Variants in NANOS3 observed in about 807,000 individuals in gnomAD.
NANOS3 encodes nanos C2HC-type zinc finger 3, also known as nanos homolog 3.
A neutral mutation model predicts 13.8 loss-of-function variants in NANOS3; 11 were observed. The observed-to-expected ratio is 0.80, with a 90% CI of 0.50 to 1.32. The LOEUF is 1.32. NANOS3 is among the 40% of genes most tolerant of loss of function. NANOS3 has a pLI of 0.00. For synonymous variants in NANOS3, 119 were observed against 115.4 expected, an observed-to-expected ratio of 1.03 and a Z score of -0.20; for missense variants, 221 against 263.8, an observed-to-expected ratio of 0.84 and a Z score of 1.12.
At chr19:13,870,306 C>A (rs1288242157) in intron 1 of NANOS3, among the ~76,000 whole-genome samples, 1 of 152,074 alleles carries the variant, frequency 6.6e-6, no homozygotes, top group Non-Finnish European at 1.5e-5. Context: ...GTCTTGAACT[C>A]CTGTGCTCAG....
At chr19:13,870,584 T>C (rs1227526752) in intron 1 of NANOS3, among the ~76,000 whole-genome samples, 2 of 142,704 alleles carry the variant, frequency 1.4e-5, no homozygotes, top group Non-Finnish European at 3.0e-5. Flanking sequence ...TTTTTTTTTT[T>C]TGAGACGGAG....
At chr19:13,865,724 G>T (rs1047247573) in intron 1 of NANOS3, among the ~76,000 whole-genome samples, 18 of 151,254 alleles carry the variant, frequency 1.2e-4, no homozygotes, top group Non-Finnish European at 1.5e-5. Flanking sequence ...CCCGGAGCCG[G>T]GGCCGCCAGG....
chr19:13,866,592 G>A (rs1391291025), intron 1 of NANOS3, among the ~76,000 whole-genome samples: 1 of 152,228 alleles, frequency 6.6e-6, no homozygotes, highest in African/African-American at 2.4e-5. Flanking sequence ...TCCAGGGATA[G>A]TGCCCATTGA....
intron 1 of NANOS3, among the ~76,000 whole-genome samples, chr19:13,872,013 C>T (rs1296574298): frequency 1.3e-5 from 2 of 149,742 alleles, no homozygotes; most frequent in Non-Finnish European, 3.0e-5. Flanking sequence ...CAAAACAAAA[C>T]AAAACAACAA....
intron 1 of NANOS3, chr19:13,865,516 G>A (rs1599296715): frequency 6.9e-6 from 1 of 144,504 alleles, no homozygotes; most frequent in East Asian, 2.0e-4. Context: ...GCGGGGCGGG[G>A]CGGGACGCGG....
chr19:13,874,169 G>A (rs1386336784), upstream of NANOS3, among the ~76,000 whole-genome samples: 2 of 152,148 alleles, frequency 1.3e-5, no homozygotes, highest in African/African-American at 4.8e-5. Context: ...AAAGTGGAGA[G>A]ACCTGACGAC....
chr19:13,871,036 C>G (rs1041481476), intron 1 of NANOS3, among the ~76,000 whole-genome samples: 4 of 151,918 alleles, frequency 2.6e-5, no homozygotes, highest in African/African-American at 9.7e-5. Flanking sequence ...ACACCCCTAC[C>G]CCCCATGCAC....
Position 13,877,341 on chromosome 19 carries a change from C to A in NANOS3, c.93C>A (p.Ser31Arg), listed in dbSNP as rs754843428. The change falls in exon 1 of 2, where the codon AGC (serine) becomes AGA (arginine). Residue 31 changes from serine (S) to arginine (R), a missense_variant. This residue lies in a region of NANOS3 where 112 missense variants were observed against 116.3 expected (regional missense o/e 0.96). Transcript: ENST00000339133. ...SGKEGPETRL[S>R]PQPEPEPMLE... is the part of the protein sequence containing the mutation. ...AAGAGGGTCCTGAAACCAGGCTGAG[C>A]CCCCAGCCAGAGCCAGAGCCAATGC... The A allele has an allele frequency of 1.2e-6, 2 of 1,610,002 alleles. No homozygotes were observed. Among genetic ancestry groups the A allele is most frequent in the Non-Finnish European group, 8.5e-7 (1 of 1,179,714 alleles).
In NANOS3 at chr19:13,879,028, C is replaced by CT. The variant is rs1333926751; in HGVS notation, c.517+1264dup. Reference sequence around the variant, plus strand: ...GCGATCTTGGCTCACTGCAACCTGTCTCCCGGGTTCAAGCGATTCTCTTAC... The same window carrying CT: ...GCGATCTTGGCTCACTGCAACCTGTCTTCCCGGGTTCAAGCGATTCTCTTAC... On this transcript the variant is annotated intron_variant, in intron 1 of 1. Transcript: ENST00000339133. 2.0e-5 allele frequency among the ~76,000 whole-genome samples: 3 copies of CT among 151,992 alleles called. No individual in the cohort carries two copies. In the East Asian group the frequency reaches 5.8e-4, roughly 29 times the overall value.
chr19:13,868,065 C>G (rs181084217), intron 1 of NANOS3, among the ~76,000 whole-genome samples: 401 of 150,748 alleles, frequency 2.7e-3, no homozygotes, highest in Non-Finnish European at 4.6e-3. Flanking sequence ...GAGACAGAGT[C>G]TTGCTCTGTC....
chr19:13,864,968 G>C (rs1463537610), upstream of NANOS3, among the ~76,000 whole-genome samples: 1 of 152,022 alleles, frequency 6.6e-6, no homozygotes, highest in Non-Finnish European at 1.5e-5. Flanking sequence ...GTGCGCGTGT[G>C]CTCCCCCCGG....
At position 13,877,387 on chromosome 19, in the gene NANOS3, G is replaced by A; in HGVS notation, c.139G>A (p.Glu47Lys). The A allele has an allele frequency of 6.2e-7, 1 of 1,612,524 alleles. No individual in the cohort carries two copies. ...EPMLEPVSAL[E>K]PMPAPESVPV... ...AATGCTGGAGCCGGTGTCAGCCCTG[G>A]AGCCGATGCCAGCGCCGGAGTCGGT... is the stretch of plus-strand genomic sequence containing the variant. Residue 47 changes from glutamate (E) to lysine (K), a missense_variant, in exon 1 of 2, where the codon GAG (glutamate) becomes AAG (lysine). This residue lies in a region of NANOS3 where 112 missense variants were observed against 116.3 expected (regional missense o/e 0.96). Transcript: ENST00000339133.
intron 1 of NANOS3, among the ~76,000 whole-genome samples, chr19:13,870,409 G>GCCTC (rs1012109962): frequency 6.6e-6 from 1 of 151,636 alleles, no homozygotes; most frequent in African/African-American, 2.4e-5. Flanking sequence ...CGGTAGAGCT[G>GCCTC]CCTCCATCCA....
intron 1 of NANOS3, among the ~76,000 whole-genome samples, chr19:13,865,741 G>A (rs1279980300): frequency 6.7e-6 from 1 of 148,564 alleles, no homozygotes; most frequent in Non-Finnish European, 1.5e-5. Context: ...CAGGGGGAGG[G>A]CAAGCGGAGA....
chr19:13,863,297 ACTC>A (rs1191331506), upstream of NANOS3, among the ~76,000 whole-genome samples: 1 of 151,364 alleles, frequency 6.6e-6, no homozygotes, highest in African/African-American at 2.4e-5. Flanking sequence ...GTAGCCTTGA[ACTC>A]CTGGGCTCAA....
intron 1 of NANOS3, among the ~76,000 whole-genome samples, chr19:13,878,145 T>C (rs1255149376): frequency 6.6e-6 from 1 of 151,954 alleles, no homozygotes; most frequent in Non-Finnish European, 1.5e-5. Context: ...GCCAGGCTGG[T>C]CTCAAAACTC....
At chr19:13,874,897 C>G (rs367686185), upstream of NANOS3, 4 of 525,790 alleles carry the variant, frequency 7.6e-6, no homozygotes, top group African/African-American at 3.9e-5. Context: ...AGGCCACAGC[C>G]GAGGTCACAA....
upstream of NANOS3, chr19:13,875,032 G>A (rs116126963): frequency 6.4e-4 from 286 of 445,894 alleles, 3 homozygotes; most frequent in African/African-American, 5.2e-3. Flanking sequence ...ACCCCCCACC[G>A]CCACAGTCAC....
chr19:13,866,396 G>T (rs1976241923), intron 1 of NANOS3, among the ~76,000 whole-genome samples: 1 of 151,472 alleles, frequency 6.6e-6, no homozygotes. Flanking sequence ...ACTGCTCACA[G>T]ATGCATTAAG....
Sources: gnomAD v4.1 joint callset for allele counts (sites outside exome capture counted in the v4.1 genomes callset) on GRCh38, gnomAD v4.1.1 for gene constraint, gnomAD v4.1.1 regional missense constraint, MANE v1.5 for transcripts, NCBI Gene and HGNC (gene_info 2026-07-23, HGNC 2026-07-21) for gene names.